Variants in RBM33 observed in about 807,000 individuals in gnomAD.
RBM33 encodes the protein RNA binding motif protein 33.
A neutral mutation model predicts 132.6 loss-of-function variants in RBM33; 28 were observed. The ratio of observed to expected loss-of-function variants is 0.21; its 90% confidence interval spans 0.16 to 0.29. The LOEUF is 0.29. RBM33 is among the 10% of genes least tolerant of loss of function. The pLI, the probability that RBM33 is intolerant of heterozygous loss-of-function variation, is 1.00. For missense variants in RBM33, 1,291 were observed against 1,518.5 expected, an observed-to-expected ratio of 0.85 and a Z score of 2.49; for synonymous variants, 634 against 593.0, an observed-to-expected ratio of 1.07 and a Z score of -1.01.
chr7:155,670,515 G>A (rs1439720446), intron 2 of RBM33, among the ~76,000 whole-genome samples: 1 of 152,216 alleles, frequency 6.6e-6, no homozygotes, highest in South Asian at 2.1e-4. Context: ...TTTCTGTGGG[G>A]TGTGTGCATA....
intron 1 of RBM33, among the ~76,000 whole-genome samples, chr7:155,657,905 G>C (rs773334896): frequency 1.3e-5 from 2 of 152,176 alleles, no homozygotes; most frequent in Non-Finnish European, 2.9e-5. Context: ...ATCAGGGACA[G>C]TGCATCCTCT....
intron 8 of RBM33, among the ~76,000 whole-genome samples, chr7:155,712,335 T>C (rs903238250): frequency 3.9e-5 from 6 of 152,256 alleles, no homozygotes; most frequent in Non-Finnish European, 7.3e-5. Context: ...AAGCTTTAAC[T>C]TCATGTACCT....
chr7:155,672,765 A>G (rs1366197279), intron 2 of RBM33, 102 bp from the exon 3 acceptor site: 19 of 491,068 alleles, frequency 3.9e-5, no homozygotes, highest in South Asian at 1.1e-4. Flanking sequence ...AAAAAAAAAA[A>G]GGTACCTGAG....
intron 9 of RBM33, among the ~76,000 whole-genome samples, chr7:155,724,297 G>A (rs1800714264): frequency 1.3e-5 from 2 of 152,198 alleles, no homozygotes; most frequent in African/African-American, 2.4e-5. Context: ...GGGAGGCTGA[G>A]GTGGGTGGCT....
chr7:155,706,220 G>A (rs1020212795), intron 6 of RBM33, among the ~76,000 whole-genome samples: 5 of 152,164 alleles, frequency 3.3e-5, no homozygotes, highest in Admixed American at 6.5e-5. Context: ...GGCTGGGCGC[G>A]GTGGCTCACG....
At chr7:155,695,935 CGTGTGT>C (rs367596855) in intron 5 of RBM33, among the ~76,000 whole-genome samples, 1 of 150,338 alleles carries the variant, frequency 6.7e-6, no homozygotes, top group Non-Finnish European at 1.5e-5. Flanking sequence ...TATGTGCGCA[CGTGTGT>C]GTGTGTGTGT....
intron 9 of RBM33, among the ~76,000 whole-genome samples, chr7:155,719,732 CTGACAAATA>C (rs1800567029): frequency 6.6e-6 from 1 of 152,194 alleles, no homozygotes; most frequent in Admixed American, 6.5e-5. Flanking sequence ...TTATAAAGCA[CTGACAAATA>C]CTTTTTGCTT....
intron 3 of RBM33, among the ~76,000 whole-genome samples, chr7:155,676,343 A>G (rs1337589702): frequency 6.6e-6 from 1 of 152,210 alleles, no homozygotes; most frequent in Non-Finnish European, 1.5e-5. Flanking sequence ...GTTGGCTGCC[A>G]GCTTGCAGTT....
At chr7:155,658,646 G>A (rs987693195) in intron 1 of RBM33, among the ~76,000 whole-genome samples, 2 of 152,164 alleles carry the variant, frequency 1.3e-5, no homozygotes, top group South Asian at 2.1e-4. Flanking sequence ...TGATCCACCC[G>A]CCTCGGCCTC....
Position 155,662,078 on chromosome 7 carries a change from C to T in RBM33, c.44-3097C>T, listed in dbSNP as rs1798666635. On this transcript the variant is annotated intron_variant, in intron 1 of 17. Coordinates refer to ENST00000401878, the MANE Select transcript of RBM33 (RefSeq NM_053043.3). ...GGCTGGGTTATTTTAATGAAGTGTT[C>T]ACCCCTCCGCCGAAGCTTCTGATGT... is the stretch of plus-strand genomic sequence containing the variant. 2.0e-5 allele frequency among the ~76,000 whole-genome samples: 3 copies of T among 152,068 alleles called. No individual in the cohort carries two copies. The South Asian group carries it at 6.2e-4, about 32-fold the overall frequency.
intron 5 of RBM33, among the ~76,000 whole-genome samples, chr7:155,681,881 G>A (rs968892883): frequency 6.6e-6 from 1 of 151,868 alleles, no homozygotes; most frequent in Non-Finnish European, 1.5e-5. Flanking sequence ...TGGAACCTTT[G>A]AATATTTAGT....
At position 155,673,559 on chromosome 7, in the gene RBM33, T is replaced by TAC. The variant is rs1171273354; in HGVS notation, c.171+650_171+651dup. 1.5e-3 allele frequency among the ~76,000 whole-genome samples: 131 copies of TAC among 85,438 alleles called. 17 individuals carry two copies. The highest frequency in any genetic ancestry group is 6.2e-3 in the Middle Eastern group (1 of 162). 56.1% of individuals were successfully genotyped at this position (85,438 alleles called of 152,430 possible). ...ATATACATACACACGTGTATATATA[T>TAC]ACACACATATACATACACACGTGTA... On this transcript the variant is annotated intron_variant, in intron 3 of 17. Coordinates refer to ENST00000401878, the MANE Select transcript of RBM33 (RefSeq NM_053043.3).
chr7:155,755,013 C>A (rs1304047114), intron 14 of RBM33, among the ~76,000 whole-genome samples: 1 of 152,166 alleles, frequency 6.6e-6, no homozygotes, highest in African/African-American at 2.4e-5. Flanking sequence ...TTCTTTTACC[C>A]CCTCTTCTTT....
intron 5 of RBM33, among the ~76,000 whole-genome samples, chr7:155,697,422 T>C (rs774528411): frequency 2.6e-5 from 4 of 152,230 alleles, no homozygotes; most frequent in Non-Finnish European, 4.4e-5. Flanking sequence ...CACAGTTTGC[T>C]TAGTCTTTCC....
intron 7 of RBM33, among the ~76,000 whole-genome samples, chr7:155,708,944 C>T (rs1800197054): frequency 6.6e-6 from 1 of 151,854 alleles, no homozygotes; most frequent in Non-Finnish European, 1.5e-5. Flanking sequence ...CTCTTTCCTG[C>T]CTGGATTCCG....
intron 5 of RBM33, among the ~76,000 whole-genome samples, chr7:155,682,849 G>A (rs1705092238): frequency 6.6e-6 from 1 of 152,162 alleles, no homozygotes; most frequent in Non-Finnish European, 1.5e-5. Context: ...TCAAACTTGA[G>A]ATTACACATA....
At chr7:155,649,772 A>G (rs1277347508) in intron 1 of RBM33, among the ~76,000 whole-genome samples, 1 of 152,216 alleles carries the variant, frequency 6.6e-6, no homozygotes, top group African/African-American at 2.4e-5. Context: ...AGATGTCCTC[A>G]AATGGCTGGA....
chr7:155,736,462 C>T (rs7795426), intron 9 of RBM33, among the ~76,000 whole-genome samples: 44,412 of 151,944 alleles, frequency 0.29, 7,939 homozygotes, highest in African/African-American at 0.5. Context: ...ATGCTGCTGC[C>T]TAGGTCAATA....
rs1801472568 is a variant in RBM33 at position 155,745,160 on chromosome 7, A to G, written c.2537A>G (p.Gln846Arg). Residue 846 changes from glutamine (Q) to arginine (R), a missense_variant, in exon 14 of 18, where the codon CAG (glutamine) becomes CGG (arginine). Physicochemically the swap from Gln to Arg is conservative, Grantham distance 43. Coordinates refer to ENST00000401878, the MANE Select transcript of RBM33 (RefSeq NM_053043.3). The surrounding 1 kb of genome is among the most constrained non-coding windows in gnomAD (Gnocchi z 4.1). ...APPPPAEQEE[Q>R]ALSPSPTNGN... Reference sequence around the variant, plus strand: ...CCACCCCCAGCAGAGCAGGAAGAGCAGGCACTGTCACCATCACCCACCAAC... The same window carrying G: ...CCACCCCCAGCAGAGCAGGAAGAGCGGGCACTGTCACCATCACCCACCAAC... 4 of 1,607,998 alleles carry G rather than the reference A, an allele frequency of 2.5e-6. No homozygotes were observed. Among genetic ancestry groups the G allele is most frequent in the Non-Finnish European group, 2.5e-6 (3 of 1,176,992 alleles).
Sources: gnomAD v4.1 joint callset for allele counts (sites outside exome capture counted in the v4.1 genomes callset) on GRCh38, gnomAD v4.1.1 for gene constraint, Gnocchi (gnomAD v3.1) non-coding constraint, MANE v1.5 for transcripts, NCBI Gene and HGNC (gene_info 2026-07-23, HGNC 2026-07-21) for gene names.